RNU1-2: variants seen among roughly 807,000 people sequenced by gnomAD.
RNU1-2 encodes RNA, U1 small nuclear 2, also known as RNA, U1C1 small nuclear.
chr1:16,896,035 G>A (rs1343113985), exon 1 of RNU1-2: 8 of 283,478 alleles, frequency 2.8e-5, no homozygotes, highest in South Asian at 1.3e-4. Flanking sequence ...CCCAGGGCGA[G>A]GCTTATCCAT....
chr1:16,896,115 G>A (rs1282407430), exon 1 of RNU1-2: 3 of 150,458 alleles, frequency 2.0e-5, no homozygotes, highest in Non-Finnish European at 2.9e-5. Flanking sequence ...ATTTGTGGTA[G>A]TGGGGGACTG....
At chr1:16,896,127 G>A (rs539220225) in exon 1 of RNU1-2, 4 of 128,474 alleles carry the variant, frequency 3.1e-5, no homozygotes, top group African/African-American at 5.5e-5. Flanking sequence ...GGGGGACTGC[G>A]TTCGCGCTTT....
exon 1 of RNU1-2, chr1:16,896,106 T>A (rs1458390238): frequency 6.4e-6 from 1 of 156,506 alleles, no homozygotes; most frequent in Non-Finnish European, 1.4e-5. Context: ...GACTGCATAA[T>A]TTGTGGTAGT....
exon 1 of RNU1-2, chr1:16,896,117 G>C (rs576985325): frequency 3.4e-5 from 5 of 147,092 alleles, no homozygotes; most frequent in Admixed American, 1.4e-4. Flanking sequence ...TTGTGGTAGT[G>C]GGGGACTGCG....
exon 1 of RNU1-2, chr1:16,896,120 GGACTGCGTTCGCGCTTTCCCCT>G (rs1469138932): frequency 1.4e-5 from 2 of 146,784 alleles, no homozygotes; most frequent in Non-Finnish European, 3.0e-5. Context: ...TGGTAGTGGG[GGACTGCGTTCGCGCTTTCCCCT>G]GACTTTCTGG....
exon 1 of RNU1-2, chr1:16,896,099 T>G (rs1360979207): frequency 6.3e-6 from 1 of 159,290 alleles, no homozygotes; most frequent in African/African-American, 2.4e-5. Flanking sequence ...GAAACTCGAC[T>G]GCATAATTTG....
At chr1:16,895,999 G>C (rs1410831934) in exon 1 of RNU1-2, 2 of 493,890 alleles carry the variant, frequency 4.0e-6, no homozygotes, top group South Asian at 8.0e-5. Context: ...TGGCAGGGGA[G>C]ATACCATGAT....
chr1:16,896,110 T>G (rs1406646327), exon 1 of RNU1-2: 1 of 155,554 alleles, frequency 6.4e-6, no homozygotes, highest in South Asian at 2.1e-4. Flanking sequence ...GCATAATTTG[T>G]GGTAGTGGGG....
Sources: allele counts gnomAD v4.1 joint callset, GRCh38; gene constraint gnomAD v4.1.1; transcripts MANE v1.5; gene names NCBI Gene and HGNC (gene_info 2026-07-23, HGNC 2026-07-21).